Variants in GBF1 observed in about 807,000 individuals in gnomAD.
GBF1 encodes golgi brefeldin A resistant guanine nucleotide exchange factor 1.
GBF1 carries 114 observed loss-of-function variants against 210.5 expected under a neutral mutation model. The ratio of observed to expected loss-of-function variants is 0.54; its 90% CI spans 0.47 to 0.63. The LOEUF is 0.63. Ranked by LOEUF, GBF1 falls within the 30% of genes least tolerant of loss-of-function variation. The pLI, the probability that GBF1 is intolerant of heterozygous loss-of-function variation, is 0.00. For missense variants in GBF1, 1,851 were observed against 2,357.7 expected (o/e 0.79, Z 4.45); for synonymous variants, 850 against 889.2 (o/e 0.96, Z 0.78).
At chr10:102,245,099 T>G (rs536388532), upstream of GBF1, among the ~76,000 whole-genome samples, 1 of 152,284 alleles carries the variant, frequency 6.6e-6, no homozygotes, top group South Asian at 2.1e-4. Flanking sequence ...TCAAGGGGCA[T>G]GGTCTTGGCC....
chr10:102,307,787 C>G (rs113753244), intron 3 of GBF1, among the ~76,000 whole-genome samples: 2 of 151,736 alleles, frequency 1.3e-5, no homozygotes, highest in African/African-American at 4.8e-5. Flanking sequence ...GAGCAAGACG[C>G]CGTCTCAAAA....
intron 3 of GBF1, among the ~76,000 whole-genome samples, chr10:102,302,190 G>C (rs1188131446): frequency 6.6e-6 from 1 of 152,234 alleles, no homozygotes; most frequent in Admixed American, 6.5e-5. Flanking sequence ...AGGCAGGGAG[G>C]TTGCAGTGAG....
rs79933482 is a variant in GBF1 at position 102,376,972 on chromosome 10, A to G, written c.4326A>G (p.Lys1442=). ...KSQEKRGKSH[K]YDSKGNRFKK... ...AGGAGAAACGTGGCAAGAGTCACAAATATGACAGCAAAGGGAACCGCTTCA... is the reference window on the plus strand; with the variant it reads ...AGGAGAAACGTGGCAAGAGTCACAAGTATGACAGCAAAGGGAACCGCTTCA... Residue 1442 remains lysine (K), a synonymous_variant, in exon 33 of 40, where the codon AAA becomes AAG. Coordinates refer to ENST00000369983, the MANE Select transcript of GBF1 (RefSeq NM_001377137.1). 3,710 of 1,614,210 alleles carry G rather than the reference A, an allele frequency of 2.3e-3. 75 individuals are homozygous for G. The African/African-American group carries it at 0.044, about 19-fold the overall frequency.
chr10:102,282,763 C>T (rs547376641), intron 3 of GBF1, among the ~76,000 whole-genome samples: 4 of 152,216 alleles, frequency 2.6e-5, no homozygotes, highest in African/African-American at 9.6e-5. Context: ...ATTTCCAGCA[C>T]GTGTGGTGTT....
In GBF1 at chr10:102,381,131, C is replaced by T. The variant is rs749130324; in HGVS notation, c.5178C>T (p.Pro1726=). ...ELFKQTVIQD[P]MPMEPQGQKP... ...TCAATTCTCTACCGTCTCCAGACCC[C>T]ATGCCCATGGAGCCTCAAGGCCAAA... The change falls in exon 39 of 40, where the codon CCC becomes CCT. Residue 1726 remains proline, a synonymous_variant. Transcript: ENST00000369983. The T allele has an allele frequency of 1.2e-6, 2 of 1,613,914 alleles. No homozygotes were observed. Among genetic ancestry groups the T allele is most frequent in the South Asian group, 2.2e-5 (2 of 91,056 alleles).
rs1012079211 is a variant in GBF1 at position 102,376,257 on chromosome 10, C to T, written c.3887-15C>T. The T allele has an allele frequency of 1.2e-6, 2 of 1,611,808 alleles. No homozygotes were observed. The highest frequency in any genetic ancestry group is 2.7e-5 in the African/African-American group (2 of 74,876). The stretch of plus-strand genomic sequence containing the variant: ...ATCCCCACCCTGACTCTGCCCTTCT[C>T]CCTGCCTACCATAGGGGCCCAGTCA... On this transcript the variant is annotated splice_polypyrimidine_tract_variant and intron_variant, in intron 30 of 39. Transcript: ENST00000369983.
intron 4 of GBF1, among the ~76,000 whole-genome samples, chr10:102,349,050 T>G (rs1172932986): frequency 7.9e-5 from 12 of 151,626 alleles, no homozygotes; most frequent in African/African-American, 2.9e-4. Context: ...TAAGGAGGCT[T>G]AGGTAGGAGG....
intron 3 of GBF1, among the ~76,000 whole-genome samples, chr10:102,330,434 A>G (rs1357087546): frequency 6.6e-6 from 1 of 152,168 alleles, no homozygotes; most frequent in Non-Finnish European, 1.5e-5. Flanking sequence ...CTATAATCCC[A>G]GCACTTTGGG....
chr10:102,287,006 T>C (rs2076006397), intron 3 of GBF1, among the ~76,000 whole-genome samples: 1 of 152,152 alleles, frequency 6.6e-6, no homozygotes, highest in Non-Finnish European at 1.5e-5. Flanking sequence ...AGCCTTAGAT[T>C]AGTGTTGGAA....
rs1421868275 is a variant in GBF1, at chr10:102,352,459, G to A, written c.525G>A (p.Glu175=). 6.2e-7 allele frequency: 1 copy of A among 1,605,246 alleles called. No homozygotes were observed. Among genetic ancestry groups the A allele is most frequent in the South Asian group, 1.1e-5 (1 of 90,874 alleles). ...TGTTATTTGTTTTTGCCTGTGCAGA[G>A]TTATTGAGAAAATCCGCAGAGCACA... ...FRICFEMRLS[E]LLRKSAEHTL... is the part of the protein sequence containing the mutation. Residue 175 remains glutamate (E), a splice_region_variant and synonymous_variant, in exon 7 of 40, where the codon GAG becomes GAA. Coordinates refer to ENST00000369983, the MANE Select transcript of GBF1 (RefSeq NM_001377137.1).
At chr10:102,323,479 C>T (rs916067010) in intron 3 of GBF1, among the ~76,000 whole-genome samples, 7 of 151,934 alleles carry the variant, frequency 4.6e-5, no homozygotes, top group African/African-American at 1.7e-4. Context: ...TTCATTGGCC[C>T]TTGTCTTCTT....
the GBF1 span, chr10:102,230,964 G>C: frequency 6.2e-7 from 1 of 1,607,476 alleles, no homozygotes. Flanking sequence ...GCCAGTTGCC[G>C]TACGAGTAGC....
At chr10:102,379,489 C>T in intron 34 of GBF1, 32 bp from the exon 35 acceptor site, 1 of 1,613,992 alleles carries the variant, frequency 6.2e-7, no homozygotes, top group Non-Finnish European at 8.5e-7. Context: ...ATCAAGATGC[C>T]TGAAGGATCC....
chr10:102,271,919 T>C (rs1401400587), intron 3 of GBF1, among the ~76,000 whole-genome samples: 1 of 151,372 alleles, frequency 6.6e-6, no homozygotes, highest in Non-Finnish European at 1.5e-5. Flanking sequence ...GCCCAGCCAA[T>C]TTTTTGTATT....
chr10:102,320,342 A>G (rs1366973602), intron 3 of GBF1, among the ~76,000 whole-genome samples: 1 of 151,922 alleles, frequency 6.6e-6, no homozygotes, highest in Non-Finnish European at 1.5e-5. Context: ...CAATTTCTTT[A>G]TCCTCATTAT....
intron 3 of GBF1, among the ~76,000 whole-genome samples, chr10:102,305,752 G>A (rs1037262108): frequency 2.0e-5 from 3 of 152,158 alleles, no homozygotes; most frequent in Admixed American, 6.5e-5. Flanking sequence ...AAATAAATTC[G>A]AGTCCTTTCA....
chr10:102,354,642 C>T lies in GBF1; in HGVS notation c.639+988C>T, dbSNP rs1369672855. Reference sequence around the variant, plus strand: ...GTAGCTTTGCAGTGTTGGGAATTCTCCTGGGGCATCTGGTTGCCTGGATAC... The same window carrying T: ...GTAGCTTTGCAGTGTTGGGAATTCTTCTGGGGCATCTGGTTGCCTGGATAC... On this transcript the variant is annotated intron_variant, in intron 8 of 39. Coordinates refer to ENST00000369983, the MANE Select transcript of GBF1 (RefSeq NM_001377137.1). 2.0e-5 allele frequency among the ~76,000 whole-genome samples: 3 copies of T among 152,176 alleles called. No individual in the cohort carries two copies. In the East Asian group the frequency reaches 5.8e-4, roughly 29 times the overall value.
the GBF1 span, chr10:102,232,229 C>T: frequency 1.6e-6 from 1 of 639,814 alleles, no homozygotes; most frequent in Non-Finnish European, 2.8e-6. Context: ...CGTGGGGCTC[C>T]TTAGGATAGA....
chr10:102,335,177 A>G (rs1000926380), intron 3 of GBF1, among the ~76,000 whole-genome samples: 2 of 152,144 alleles, frequency 1.3e-5, no homozygotes, highest in African/African-American at 4.8e-5. Flanking sequence ...TTGATTCTGG[A>G]AGGATCCGAA....
Sources: allele counts gnomAD v4.1 joint callset (sites outside exome capture counted in the v4.1 genomes callset), GRCh38; gene constraint gnomAD v4.1.1; transcripts MANE v1.5; gene names NCBI Gene and HGNC (gene_info 2026-07-23, HGNC 2026-07-21).